SENP8: variants seen among roughly 807,000 people sequenced by gnomAD.
The protein encoded by SENP8 is sentrin-specific protease 8.
A neutral mutation model predicts 14.4 loss-of-function variants in SENP8; 10 were observed. The ratio of observed to expected loss-of-function variants is 0.69; its 90% confidence interval spans 0.43 to 1.18. The LOEUF is 1.18. SENP8 is among the 50% of genes most tolerant of loss of function. The pLI is 0.00. For synonymous variants in SENP8, 94 were observed against 95.5 expected (o/e 0.98, Z 0.09); for missense variants, 202 against 249.4 (o/e 0.81, Z 1.28).
intron 1 of SENP8, among the ~76,000 whole-genome samples, chr15:72,125,624 TAC>T (rs1326259772): frequency 6.6e-6 from 1 of 151,838 alleles, no homozygotes; most frequent in African/African-American, 2.4e-5. Flanking sequence ...GATAATAAAG[TAC>T]TGATAGATAT....
chr15:72,129,536 ATTTT>A (rs35079066), intron 1 of SENP8, among the ~76,000 whole-genome samples: 2 of 105,450 alleles, frequency 1.9e-5, no homozygotes, highest in South Asian at 3.1e-4. Context: ...CTAATTTTGT[ATTTT>A]TTTTTTTTTT....
chr15:72,123,097 A>G (rs1890267431), intron 1 of SENP8, among the ~76,000 whole-genome samples: 1 of 152,240 alleles, frequency 6.6e-6, no homozygotes, highest in Non-Finnish European at 1.5e-5. Context: ...AGCAATTTGT[A>G]ATGACAATTT....
chr15:72,139,157 T>A (rs1231543179), intron 1 of SENP8, among the ~76,000 whole-genome samples: 1 of 152,000 alleles, frequency 6.6e-6, no homozygotes, highest in Non-Finnish European at 1.5e-5. Flanking sequence ...CATAGCCAAT[T>A]AACACGTTAC....
chr15:72,128,188 G>A (rs2081238965), intron 1 of SENP8, among the ~76,000 whole-genome samples: 1 of 152,170 alleles, frequency 6.6e-6, no homozygotes, highest in Admixed American at 6.6e-5. Flanking sequence ...ACTCTTGGAT[G>A]ATGTCTGTAA....
upstream of SENP8, chr15:72,118,072 T>A (rs1176893270): frequency 1.0e-5 from 4 of 394,476 alleles, no homozygotes; most frequent in African/African-American, 6.2e-5. Context: ...CTTATCCGCT[T>A]CGGTCGCGCG....
intron 1 of SENP8, among the ~76,000 whole-genome samples, chr15:72,132,736 A>G (rs561273865): frequency 4.0e-4 from 60 of 149,538 alleles, no homozygotes; most frequent in Non-Finnish European, 6.8e-4. Flanking sequence ...GCTCATTGCA[A>G]CCTCTGCCTC....
chr15:72,132,249 T>G (rs1388377317), intron 1 of SENP8, among the ~76,000 whole-genome samples: 1 of 152,106 alleles, frequency 6.6e-6, no homozygotes, highest in Non-Finnish European at 1.5e-5. Flanking sequence ...CTTCCCCTAG[T>G]CTTGCTTACC....
At chr15:72,138,649 C>T (rs564068816) in intron 1 of SENP8, among the ~76,000 whole-genome samples, 87 of 151,418 alleles carry the variant, frequency 5.7e-4, no homozygotes, top group African/African-American at 2.0e-3. Flanking sequence ...AGCACCCAGC[C>T]TAGGTGTAGG....
At position 72,141,154 on chromosome 15, in the gene SENP8, T is replaced by C. The variant is rs970840943; in HGVS notation, c.*892T>C. Reference sequence around the variant, plus strand: ...AAACATTTGTTCTTCCTGATAGTTATAGGTTTTCCTCTCTGTCCTTAATTC... The same window carrying C: ...AAACATTTGTTCTTCCTGATAGTTACAGGTTTTCCTCTCTGTCCTTAATTC... On this transcript the variant is annotated 3_prime_UTR_variant, in exon 2 of 2. Coordinates refer to ENST00000340912, the MANE Select transcript of SENP8 (RefSeq NM_145204.4). 25 of 152,688 alleles carry C rather than the reference T, an allele frequency of 1.6e-4. No homozygotes were observed. The highest frequency in any genetic ancestry group is 6.0e-4 in the African/African-American group (25 of 41,468). 9.5% of individuals were successfully genotyped at this position (152,688 alleles called of 1,614,324 possible).
intron 1 of SENP8, among the ~76,000 whole-genome samples, chr15:72,123,346 T>C (rs1463505959): frequency 1.3e-5 from 2 of 152,156 alleles, no homozygotes; most frequent in East Asian, 3.8e-4. Context: ...TTATAAAATA[T>C]TATCTTACAC....
At chr15:72,116,127 A>G (rs943818447), upstream of SENP8, among the ~76,000 whole-genome samples, 2 of 152,238 alleles carry the variant, frequency 1.3e-5, no homozygotes, top group African/African-American at 4.8e-5. Context: ...ATACACATGA[A>G]GCTGGAAATA....
Position 72,123,173 on chromosome 15 carries a change from A to G in SENP8, c.-48+4709A>G, listed in dbSNP as rs572918171. ...TGAAATCCTTAGAACAAATGAGATT[A>G]AAAGATCATAGCTTTTTTGTGTTCT... On this transcript the variant is annotated intron_variant, in intron 1 of 1. Transcript: ENST00000340912. Among the ~76,000 whole-genome samples, 62 of 152,366 alleles carry G rather than the reference A, an allele frequency of 4.1e-4. No individual in the cohort carries two copies. The South Asian group carries it at 0.013, about 31-fold the overall frequency.
At chr15:72,115,158 C>CT, upstream of SENP8, among the ~76,000 whole-genome samples, 1 of 152,282 alleles carries the variant, frequency 6.6e-6, no homozygotes, top group East Asian at 1.9e-4. Flanking sequence ...TTTAAAGGCA[C>CT]TTAATCATGT....
At chr15:72,138,700 C>T (rs1275600486) in intron 1 of SENP8, among the ~76,000 whole-genome samples, 6 of 151,280 alleles carry the variant, frequency 4.0e-5, no homozygotes, top group Admixed American at 6.6e-5. Context: ...CGGTGGCTCA[C>T]GCCTGTAATT....
chr15:72,142,675 G>A lies in SENP8; in HGVS notation c.*2413G>A, dbSNP rs2081387911. The stretch of plus-strand genomic sequence containing the variant: ...CTATAAATGGTTGTAGAAAATATAA[G>A]TATCAGTGGGTTTCCTATGTAATAG... On this transcript the variant is annotated 3_prime_UTR_variant, in exon 2 of 2. Transcript: ENST00000340912. 1 of 152,054 alleles carries A rather than the reference G, an allele frequency of 6.6e-6. No homozygotes were observed. Among genetic ancestry groups the A allele is most frequent in the Non-Finnish European group, 1.5e-5 (1 of 68,006 alleles). The allele number at this position is 152,054 out of a possible 1,614,324, so 9.4% of individuals were successfully genotyped here. A position where few individuals can be genotyped will look rare whatever the true frequency, so the allele number is the denominator to read the frequency against.
chr15:72,141,848 CA>C lies in SENP8; in HGVS notation c.*1588del, dbSNP rs1346180100. The C allele has an allele frequency of 6.6e-6, 1 of 152,084 alleles. No individual in the cohort carries two copies. Among genetic ancestry groups the C allele is most frequent in the Non-Finnish European group, 1.5e-5 (1 of 68,030 alleles). The allele number at this position is 152,084 out of a possible 1,614,324, so 9.4% of individuals were successfully genotyped here. On this transcript the variant is annotated 3_prime_UTR_variant, in exon 2 of 2. Transcript: ENST00000340912. Reference sequence around the variant, plus strand: ...AGGTGAAATACAGAGGGAGGGACAGCAAGAGAAGTGACAAAGGTCACTGATG... The same window carrying C: ...AGGTGAAATACAGAGGGAGGGACAGCAGAGAAGTGACAAAGGTCACTGATG...
At position 72,140,128 on chromosome 15, in the gene SENP8, T is replaced by C; in HGVS notation, c.505T>C (p.Cys169Arg). Residue 169 changes from cysteine (C) to arginine (R), a missense_variant, in exon 2 of 2, where the codon TGT (cysteine) becomes CGT (arginine). Physicochemically the swap from Cys to Arg is radical, Grantham distance 180. Coordinates refer to ENST00000340912, the MANE Select transcript of SENP8 (RefSeq NM_145204.4). ...NSYDCGMYVICNTEALCQNFF... is the reference protein window; with the variant it reads ...NSYDCGMYVIRNTEALCQNFF... ...CTATGACTGTGGGATGTACGTGATA[T>C]GTAACACTGAGGCCTTGTGTCAGAA... 6.2e-6 allele frequency: 10 copies of C among 1,614,156 alleles called. No individual in the cohort carries two copies. The highest frequency in any genetic ancestry group is 8.5e-6 in the Non-Finnish European group (10 of 1,180,036).
chr15:72,121,993 ATACCTGTGAGTCCTACATTTCTGACTTT>A (rs1316779715), intron 1 of SENP8, among the ~76,000 whole-genome samples: 1 of 152,200 alleles, frequency 6.6e-6, no homozygotes, highest in African/African-American at 2.4e-5. Flanking sequence ...AACTCCATCT[ATACCTGTGAGTCCTACATTTCTGACTTT>A]TAAAAGTCAG....
intron 1 of SENP8, among the ~76,000 whole-genome samples, chr15:72,137,003 CT>C (rs2081333754): frequency 6.6e-6 from 1 of 152,154 alleles, no homozygotes; most frequent in Non-Finnish European, 1.5e-5. Flanking sequence ...TGCTTCTCCT[CT>C]AAATTAGTCA....
Sources: allele counts gnomAD v4.1 joint callset (sites outside exome capture counted in the v4.1 genomes callset), GRCh38; gene constraint gnomAD v4.1.1; transcripts MANE v1.5; gene names NCBI Gene and HGNC (gene_info 2026-07-23, HGNC 2026-07-21).